Variants in NAV1 observed in about 807,000 individuals in gnomAD.
The protein encoded by NAV1 is neuron navigator 1.
Under a neutral mutation model 175.2 loss-of-function variants are expected in NAV1, and 18 were observed. The ratio of observed to expected loss-of-function variants is 0.10; its 90% confidence interval spans 0.07 to 0.15. The LOEUF (loss-of-function observed/expected upper bound fraction) is 0.15. Among genes scored for constraint, NAV1 ranks in the 10% least tolerant of loss-of-function variants. The pLI, the probability that NAV1 is intolerant of heterozygous loss-of-function variation, is 1.00. For missense variants in NAV1, 1,731 were observed against 2,436.6 expected (o/e 0.71, Z 6.10); for synonymous variants, 897 against 978.7 (o/e 0.92, Z 1.56).
In NAV1 at chr1:201,730,460, G is replaced by C. The variant is rs185718182; in HGVS notation, c.1226+11705G>C. On this transcript the variant is annotated intron_variant, in intron 3 of 29. Coordinates refer to ENST00000367296, the Ensembl canonical transcript of NAV1. ...GCCTTTCCCTCTGTGTGCAGCCCTT[G>C]TGTCCCTGAAGCCTGTGAGCATGAC... 8.5e-4 allele frequency among the ~76,000 whole-genome samples: 130 copies of C among 152,320 alleles called. 1 individual carries two copies. Among genetic ancestry groups the C allele is most frequent in the Admixed American group, 4.6e-3 (70 of 15,302 alleles).
chr1:201,637,012 C>T (rs756228592), intron 2 of NAV1, among the ~76,000 whole-genome samples: 2 of 152,196 alleles, frequency 1.3e-5, no homozygotes, highest in Non-Finnish European at 2.9e-5. Flanking sequence ...TTAACATTTG[C>T]AGAGCAATTT....
chr1:201,574,558 A>T (rs1666639262), intron 1 of NAV1, among the ~76,000 whole-genome samples: 1 of 152,140 alleles, frequency 6.6e-6, no homozygotes. Context: ...CTCATAGAAA[A>T]AGAGCTTGTT....
intron 3 of NAV1, among the ~76,000 whole-genome samples, chr1:201,763,790 C>A (rs1675011907): frequency 6.6e-6 from 1 of 152,192 alleles, no homozygotes; most frequent in African/African-American, 2.4e-5. Context: ...TTACCCTTTC[C>A]CACATTAAGA....
chr1:201,717,324 C>T (rs910296408), intron 2 of NAV1, among the ~76,000 whole-genome samples: 4 of 152,176 alleles, frequency 2.6e-5, no homozygotes, highest in Non-Finnish European at 4.4e-5. Context: ...CACCAAACCC[C>T]GTTTCGCTTA....
chr1:201,747,706 A>G (rs1449945314), intron 3 of NAV1, among the ~76,000 whole-genome samples: 3 of 152,244 alleles, frequency 2.0e-5, no homozygotes, highest in African/African-American at 7.2e-5. Flanking sequence ...TGTTTACATT[A>G]TGCTACACAT....
chr1:201,552,584 C>T (rs946587645), intron 1 of NAV1, among the ~76,000 whole-genome samples: 3 of 152,078 alleles, frequency 2.0e-5, no homozygotes, highest in African/African-American at 4.8e-5. Flanking sequence ...TCAATTTTCT[C>T]GTCTGTAAAA....
intron 3 of NAV1, chr1:201,739,828 T>A: frequency 8.1e-7 from 1 of 1,241,836 alleles, no homozygotes; most frequent in South Asian, 3.9e-5. Context: ...TCTGTCACTT[T>A]AAGTACAGCT....
chr1:201,790,777 T>C lies in NAV1; in HGVS notation c.3321+11T>C. The C allele has an allele frequency of 6.2e-7, 1 of 1,613,892 alleles. No homozygotes were observed. Among genetic ancestry groups the C allele is most frequent in the Non-Finnish European group, 8.5e-7 (1 of 1,179,824 alleles). On this transcript the variant is annotated intron_variant, in intron 13 of 29. Coordinates refer to ENST00000367296, the Ensembl canonical transcript of NAV1. Reference sequence around the variant, plus strand: ...CAGCTTTCTGCCAATGTGAGTGCCATGAAGTACGGAAAGATCAAGGCAGTT... The same window carrying C: ...CAGCTTTCTGCCAATGTGAGTGCCACGAAGTACGGAAAGATCAAGGCAGTT...
chr1:201,764,818 A>G (rs565526), intron 3 of NAV1, among the ~76,000 whole-genome samples: 2,768 of 152,360 alleles, frequency 0.018, 57 homozygotes, highest in Non-Finnish European at 0.027. Flanking sequence ...AATTTTATGT[A>G]TAACTGCAAG....
At chr1:201,634,319 A>G (rs1668554992) in intron 2 of NAV1, among the ~76,000 whole-genome samples, 1 of 152,230 alleles carries the variant, frequency 6.6e-6, no homozygotes, top group Non-Finnish European at 1.5e-5. Flanking sequence ...TTATTATCAC[A>G]CCCACTTTGC....
At chr1:201,549,632 A>T (rs1665786404) in intron 1 of NAV1, among the ~76,000 whole-genome samples, 1 of 151,940 alleles carries the variant, frequency 6.6e-6, no homozygotes. Flanking sequence ...TTTACTGATA[A>T]TCTTTAAGCA....
chr1:201,611,005 A>G (rs1667827650), intron 2 of NAV1, among the ~76,000 whole-genome samples: 1 of 152,016 alleles, frequency 6.6e-6, no homozygotes, highest in South Asian at 2.1e-4. Flanking sequence ...GGACAATCCT[A>G]ATCCCCATTC....
chr1:201,728,829 G>A (rs1474401425), intron 3 of NAV1, among the ~76,000 whole-genome samples: 2 of 152,176 alleles, frequency 1.3e-5, no homozygotes, highest in Non-Finnish European at 2.9e-5. Flanking sequence ...GGATAACAGT[G>A]TCTGTTCAAA....
In NAV1 at chr1:201,788,596, G is replaced by A; in HGVS notation, c.3124G>A (p.Gly1042Arg). The change falls in exon 10 of 30, where the codon GGA becomes AGA. Residue 1042 changes from glycine to arginine, a missense_variant. Gly to Arg is a moderately radical substitution (Grantham distance 125, BLOSUM62 -2). This residue lies in a region of NAV1 where 85 missense variants were observed against 168.7 expected (regional missense o/e 0.50). Transcript: ENST00000367296. The surrounding 1 kb of genome is among the most constrained non-coding windows in gnomAD (Gnocchi z 5.7). Reference sequence around the variant, plus strand: ...CCTGTCCCTGGCCGAGAGACCCAAGGGAATGATTCGGTCAGGATCCTTCCG... The same window carrying A: ...CCTGTCCCTGGCCGAGAGACCCAAGAGAATGATTCGGTCAGGATCCTTCCG... The A allele has an allele frequency of 6.2e-7, 1 of 1,614,054 alleles. No homozygotes were observed. Among genetic ancestry groups the A allele is most frequent in the South Asian group, 1.1e-5 (1 of 91,080 alleles).
intron 1 of NAV1, among the ~76,000 whole-genome samples, chr1:201,545,765 C>CTG (rs2102446346): frequency 6.6e-6 from 1 of 152,288 alleles, no homozygotes; most frequent in African/African-American, 2.4e-5. Context: ...TAGATTGCCC[C>CTG]TGAAAACCAG....
upstream of NAV1, among the ~76,000 whole-genome samples, chr1:201,620,467 T>C (rs1668130304): frequency 6.9e-6 from 1 of 145,592 alleles, no homozygotes; most frequent in South Asian, 2.3e-4. Flanking sequence ...TTTTTTTTTT[T>C]TTTTTTTTTG....
At chr1:201,689,035 A>G (rs1270446729) in intron 1 of NAV1, among the ~76,000 whole-genome samples, 2 of 152,176 alleles carry the variant, frequency 1.3e-5, no homozygotes, top group African/African-American at 4.8e-5. Flanking sequence ...TTAACCAGGT[A>G]CCTTCATGGG....
At chr1:201,710,303 T>G (rs1320055916) in intron 1 of NAV1, among the ~76,000 whole-genome samples, 1 of 152,148 alleles carries the variant, frequency 6.6e-6, no homozygotes. Context: ...GTTTTTTTTT[T>G]TGAAACAGGG....
chr1:201,547,072 C>T (rs1307583097), intron 1 of NAV1, among the ~76,000 whole-genome samples: 4 of 151,454 alleles, frequency 2.6e-5, no homozygotes, highest in African/African-American at 4.9e-5. Context: ...CCGTAACCTC[C>T]GTCTCCCGGG....
Sources: gnomAD v4.1 joint callset for allele counts (sites outside exome capture counted in the v4.1 genomes callset) on GRCh38, gnomAD v4.1.1 for gene constraint, gnomAD v4.1.1 regional missense constraint, Gnocchi (gnomAD v3.1) non-coding constraint, MANE v1.5 for transcripts, NCBI Gene and HGNC (gene_info 2026-07-23, HGNC 2026-07-21) for gene names.